Variants in VPS26B observed in about 807,000 individuals in gnomAD.
The protein encoded by VPS26B is VPS26 retromer complex component B, also known as vacuolar protein sorting-associated protein 26B.
Under a neutral mutation model 33.3 loss-of-function variants are expected in VPS26B, and 10 were observed. That is an observed-to-expected ratio of 0.30 (90% confidence interval 0.19 to 0.51). The LOEUF (loss-of-function observed/expected upper bound fraction) is 0.51. Among genes scored for constraint, VPS26B ranks in the 20% least tolerant of loss-of-function variants. VPS26B has a pLI of 0.98. For missense variants in VPS26B, 317 were observed against 452.7 expected (o/e 0.70, Z 2.72); for synonymous variants, 190 against 176.9 (o/e 1.07, Z -0.59).
intron 2 of VPS26B, among the ~76,000 whole-genome samples, chr11:134,239,461 C>G (rs888342053): frequency 1.3e-5 from 2 of 152,244 alleles, no homozygotes; most frequent in African/African-American, 2.4e-5. Context: ...CTTAATTTCT[C>G]TCTTTCCTAG....
rs1290009980 is a variant in VPS26B, at chr11:134,225,220, A to C, written c.98A>C (p.Lys33Thr). ...KRAEHKTEDGKKEKYFLFYDG... is the reference protein window; with the variant it reads ...KRAEHKTEDGTKEKYFLFYDG... ...GCCGAGCACAAGACGGAGGACGGGA[A>C]GAAGGAGAAATATTTCCTCTTCTAC... is the stretch of plus-strand genomic sequence containing the variant. Residue 33 changes from lysine (K) to threonine (T), a missense_variant, in exon 1 of 6, where the codon AAG (lysine) becomes ACG (threonine). Physicochemically the swap from Lys to Thr is moderately conservative, Grantham distance 78 (BLOSUM62 -1). Coordinates refer to ENST00000281187, the MANE Select transcript of VPS26B (RefSeq NM_052875.5). 6.2e-7 allele frequency: 1 copy of C among 1,613,930 alleles called. No individual in the cohort carries two copies. Among genetic ancestry groups the C allele is most frequent in the African/African-American group, 1.3e-5 (1 of 74,940 alleles).
intron 1 of VPS26B, among the ~76,000 whole-genome samples, chr11:134,225,743 G>A (rs1938446648): frequency 6.6e-6 from 1 of 152,156 alleles, no homozygotes; most frequent in Non-Finnish European, 1.5e-5. Context: ...TGCCAATACT[G>A]GCTTTCCCAT....
rs1463226994 is a variant in VPS26B at position 134,247,366 on chromosome 11, G to C, written c.*1776G>C. ...CTTTTCCTAGCTGATATTCTAACTA[G>C]AAGCATTTGTCAATTCCTTTGCCTC... is the stretch of plus-strand genomic sequence containing the variant. On this transcript the variant is annotated 3_prime_UTR_variant, in exon 6 of 6. Coordinates refer to ENST00000281187, the MANE Select transcript of VPS26B (RefSeq NM_052875.5). The C allele has an allele frequency of 6.6e-6, 1 of 152,214 alleles. No individual in the cohort carries two copies. Among genetic ancestry groups the C allele is most frequent in the East Asian group, 1.9e-4 (1 of 5,196 alleles). 9.4% of individuals were successfully genotyped at this position (152,214 alleles called of 1,614,324 possible).
Position 134,244,765 on chromosome 11 carries a change from T to G in VPS26B, c.722-173T>G. 3.9e-6 allele frequency: 3 copies of G among 774,114 alleles called. No homozygotes were observed. The highest frequency in any genetic ancestry group is 2.1e-5 in the South Asian group (1 of 47,558). 48.0% of individuals were successfully genotyped at this position (774,114 alleles called of 1,614,324 possible). A position where few individuals can be genotyped will look rare whatever the true frequency, so the allele number is the denominator to read the frequency against. ...CATGACCTGGAGTGGAACTGGAGAGTCACATTTTTGTTTCAGCCACCTGCT... is the reference window on the plus strand; with the variant it reads ...CATGACCTGGAGTGGAACTGGAGAGGCACATTTTTGTTTCAGCCACCTGCT... On this transcript the variant is annotated intron_variant, in intron 4 of 5. Coordinates refer to ENST00000281187, the MANE Select transcript of VPS26B (RefSeq NM_052875.5). This position sits in a 1 kb window ranked among gnomAD's most constrained non-coding sequence, Gnocchi z 4.0.
chr11:134,225,454 T>G, intron 1 of VPS26B, 109 bp downstream of exon 1: 1 of 1,119,636 alleles, frequency 8.9e-7, no homozygotes, highest in Non-Finnish European at 1.3e-6. Context: ...GCTTGTCAAC[T>G]GCAGTCTGAG....
intron 4 of VPS26B, 193 bp downstream of exon 4, chr11:134,243,487 A>C: frequency 1.6e-6 from 1 of 638,000 alleles, no homozygotes. Flanking sequence ...ACTTGAGGCT[A>C]CTATCCCATC....
rs1340203258 is a variant in VPS26B, at chr11:134,240,262, T to C, written c.545+107T>C. 3 of 1,294,486 alleles carry C rather than the reference T, an allele frequency of 2.3e-6. No homozygotes were observed. Among genetic ancestry groups the C allele is most frequent in the Non-Finnish European group, 3.3e-6 (3 of 919,392 alleles). The allele number at this position is 1,294,486 out of a possible 1,614,324, so 80.2% of individuals were successfully genotyped here. ...CCTCTGTGACTCGACTGCTTTGTGG[T>C]GGCATGCGGTGGGGGAAGACCGTGG... On this transcript the variant is annotated intron_variant, in intron 3 of 5. Coordinates refer to ENST00000281187, the MANE Select transcript of VPS26B (RefSeq NM_052875.5). The surrounding 1 kb of genome is among the most constrained non-coding windows in gnomAD (Gnocchi z 4.4).
intron 1 of VPS26B, among the ~76,000 whole-genome samples, chr11:134,226,795 G>T (rs749174990): frequency 6.6e-6 from 1 of 152,202 alleles, no homozygotes; most frequent in South Asian, 2.1e-4. Flanking sequence ...AGAAACCCTG[G>T]GAAAAGGAGG....
chr11:134,240,111 G>A lies in VPS26B; in HGVS notation c.501G>A (p.Gly167=), dbSNP rs770070550. The A allele has an allele frequency of 3.1e-6, 5 of 1,614,218 alleles. No individual in the cohort carries two copies. The highest frequency in any genetic ancestry group is 1.6e-4 in the Middle Eastern group (1 of 6,062). ...ACTCTTCCATCAAGATGGAGGTTGGGATTGAGGACTGTCTGCACATTGAAT... is the reference window on the plus strand; with the variant it reads ...ACTCTTCCATCAAGATGGAGGTTGGAATTGAGGACTGTCTGCACATTGAAT... ...ELNSSIKMEV[G]IEDCLHIEFE... The change falls in exon 3 of 6, where the codon GGG becomes GGA. Residue 167 remains glycine, a synonymous_variant. Transcript: ENST00000281187. This position sits in a 1 kb window ranked among gnomAD's most constrained non-coding sequence, Gnocchi z 4.4.
chr11:134,231,914 G>A (rs1378172129), intron 1 of VPS26B, among the ~76,000 whole-genome samples: 1 of 152,202 alleles, frequency 6.6e-6, no homozygotes, highest in Non-Finnish European at 1.5e-5. Context: ...AAAACTGCAC[G>A]AGGCCTAGAC....
rs1938426339 is a variant in VPS26B at position 134,225,235 on chromosome 11, T to A, written c.113T>A (p.Phe38Tyr). The A allele has an allele frequency of 6.8e-6, 11 of 1,613,996 alleles. No individual in the cohort carries two copies. Among genetic ancestry groups the A allele is most frequent in the Non-Finnish European group, 9.3e-6 (11 of 1,180,006 alleles). ...GAGGACGGGAAGAAGGAGAAATATT[T>A]CCTCTTCTACGACGGGGAGACGGTC... ...KTEDGKKEKY[F>Y]LFYDGETVSG... Residue 38 changes from phenylalanine (F) to tyrosine (Y), a missense_variant, in exon 1 of 6, where the codon TTC becomes TAC. Transcript: ENST00000281187.
chr11:134,244,865 G>A lies in VPS26B; in HGVS notation c.722-73G>A. 1 of 1,554,792 alleles carries A rather than the reference G, an allele frequency of 6.4e-7. No individual in the cohort carries two copies. The highest frequency in any genetic ancestry group is 8.7e-7 in the Non-Finnish European group (1 of 1,154,936). On this transcript the variant is annotated intron_variant, in intron 4 of 5. Transcript: ENST00000281187. The surrounding 1 kb of genome is among the most constrained non-coding windows in gnomAD (Gnocchi z 4.0). ...TGCACTCCAGTGGCATCTCTGCAGT[G>A]GTCAGAGTGACCTGGTATAAGGGAG...
Position 134,244,531 on chromosome 11 carries a change from G to A in VPS26B, c.722-407G>A, listed in dbSNP as rs1938780813. 1 of 158,202 alleles carries A rather than the reference G, an allele frequency of 6.3e-6. No individual in the cohort carries two copies. The highest frequency in any genetic ancestry group is 2.0e-4 in the South Asian group (1 of 5,124). 9.8% of individuals were successfully genotyped at this position (158,202 alleles called of 1,614,324 possible). A position where few individuals can be genotyped will look rare whatever the true frequency, so the allele number is the denominator to read the frequency against. On this transcript the variant is annotated intron_variant, in intron 4 of 5. Coordinates refer to ENST00000281187, the MANE Select transcript of VPS26B (RefSeq NM_052875.5). This position sits in a 1 kb window ranked among gnomAD's most constrained non-coding sequence, Gnocchi z 4.0. Reference sequence around the variant, plus strand: ...TGCCAGTCCACACAAGAGGGAGGATGTATTTTGGGGGGCATACACTGAGGA... The same window carrying A: ...TGCCAGTCCACACAAGAGGGAGGATATATTTTGGGGGGCATACACTGAGGA...
chr11:134,237,839 C>T (rs1338555988), intron 2 of VPS26B, among the ~76,000 whole-genome samples: 3 of 152,056 alleles, frequency 2.0e-5, no homozygotes, highest in Non-Finnish European at 2.9e-5. Flanking sequence ...AGGAGTGGTT[C>T]GTGGAGAAGC....
At chr11:134,233,770 G>A (rs1938593481) in intron 1 of VPS26B, among the ~76,000 whole-genome samples, 1 of 152,140 alleles carries the variant, frequency 6.6e-6, no homozygotes, top group South Asian at 2.1e-4. Context: ...CAGGTTCTAG[G>A]AAGCACCAGG....
intron 1 of VPS26B, among the ~76,000 whole-genome samples, chr11:134,227,643 C>T (rs1034853644): frequency 3.9e-5 from 6 of 152,154 alleles, no homozygotes; most frequent in African/African-American, 1.2e-4. Context: ...TAACTCTTCC[C>T]GGGCCCTTGG....
At chr11:134,242,478 A>T (rs77257822) in intron 3 of VPS26B, among the ~76,000 whole-genome samples, 20 of 152,362 alleles carry the variant, frequency 1.3e-4, no homozygotes, top group African/African-American at 4.8e-4. Flanking sequence ...TCGTTCTCTC[A>T]TGCCTGATAC....
chr11:134,237,788 C>T (rs1313750959), intron 2 of VPS26B, among the ~76,000 whole-genome samples: 7 of 151,996 alleles, frequency 4.6e-5, no homozygotes, highest in African/African-American at 1.7e-4. Context: ...TCGAGGCGAG[C>T]GGTTTCTGTT....
chr11:134,230,985 G>A (rs552805266), intron 1 of VPS26B, among the ~76,000 whole-genome samples: 2 of 152,312 alleles, frequency 1.3e-5, no homozygotes, highest in African/African-American at 4.8e-5. Flanking sequence ...ACTGGCCCAC[G>A]TCTTTAGGAA....
Sources: gnomAD v4.1 joint callset for allele counts (sites outside exome capture counted in the v4.1 genomes callset) on GRCh38, gnomAD v4.1.1 for gene constraint, Gnocchi (gnomAD v3.1) non-coding constraint, MANE v1.5 for transcripts, NCBI Gene and HGNC (gene_info 2026-07-23, HGNC 2026-07-21) for gene names.